Variants in ZSWIM5 observed in about 807,000 individuals in gnomAD.
The protein encoded by ZSWIM5 is zinc finger SWIM domain-containing protein 5.
A neutral mutation model predicts 119.6 loss-of-function variants in ZSWIM5; 55 were observed. That is an observed-to-expected ratio of 0.46 (90% CI 0.37 to 0.58). The LOEUF is 0.58. ZSWIM5 is among the 20% of genes least tolerant of loss of function. The pLI, the probability that ZSWIM5 is intolerant of heterozygous loss-of-function variation, is 0.00. For synonymous variants in ZSWIM5, 537 were observed against 606.9 expected (o/e 0.88, Z 1.69); for missense variants, 1,193 against 1,512.8 (o/e 0.79, Z 3.51).
At position 45,058,661 on chromosome 1, in the gene ZSWIM5, C is replaced by T; in HGVS notation, c.1200G>A (p.Arg400=). The change falls in exon 4 of 14, where the codon AGG becomes AGA. Residue 400 remains arginine (R), a synonymous_variant. Transcript: ENST00000359600. ...TGTCTGTCATGTTTGTTCCTTGCTG[C>T]CTCCAGAGTGTGAGTCGTGGGTCAG... ...FVADPRLTLW[R]QQGTNMTDKC... is the part of the protein sequence containing the mutation. The T allele has an allele frequency of 6.2e-7, 1 of 1,614,242 alleles. No homozygotes were observed. Among genetic ancestry groups the T allele is most frequent in the Non-Finnish European group, 8.5e-7 (1 of 1,180,046 alleles).
At chr1:45,094,286 C>T (rs1241645126) in intron 1 of ZSWIM5, among the ~76,000 whole-genome samples, 1 of 151,842 alleles carries the variant, frequency 6.6e-6, no homozygotes, top group Non-Finnish European at 1.5e-5. Context: ...GATCTCCTGA[C>T]TTCGTGATCC....
At chr1:45,191,275 G>A (rs1387563105) in intron 1 of ZSWIM5, among the ~76,000 whole-genome samples, 1 of 152,118 alleles carries the variant, frequency 6.6e-6, no homozygotes, top group Non-Finnish European at 1.5e-5. Flanking sequence ...TCAGTCATTT[G>A]CAGGCTGCCC....
intron 1 of ZSWIM5, among the ~76,000 whole-genome samples, chr1:45,154,470 C>CA (rs1204953983): frequency 6.6e-6 from 1 of 152,042 alleles, no homozygotes; most frequent in African/African-American, 2.4e-5. Context: ...TTCGACGAAA[C>CA]AAACAAAAAC....
At chr1:45,196,009 A>G (rs1348277412) in intron 1 of ZSWIM5, among the ~76,000 whole-genome samples, 1 of 148,668 alleles carries the variant, frequency 6.7e-6, no homozygotes, top group Admixed American at 6.8e-5. Context: ...CCGGGACTAC[A>G]GGTGAGCACC....
intron 1 of ZSWIM5, among the ~76,000 whole-genome samples, chr1:45,117,435 G>A (rs1041552035): frequency 2.0e-5 from 3 of 152,194 alleles, no homozygotes; most frequent in African/African-American, 7.2e-5. Flanking sequence ...AGAACGTTGG[G>A]AGGCCAAAGT....
At position 45,206,192 on chromosome 1, in the gene ZSWIM5, G is replaced by A. The variant is rs768634679; in HGVS notation, c.159C>T (p.Val53=). The stretch of plus-strand genomic sequence containing the variant: ...GCTGCAGGTGGGGGCGGGCCCCGAG[G>A]ACCAGGCAGCTGCTGCCGACGCCCC... ...GAGGVGSSCL[V]LGARPHLQPD... Residue 53 remains valine, a synonymous_variant, in exon 1 of 14, where the codon GTC becomes GTT. Transcript: ENST00000359600. 10 of 1,602,914 alleles carry A rather than the reference G, an allele frequency of 6.2e-6. No homozygotes were observed. The highest frequency in any genetic ancestry group is 3.4e-5 in the Admixed American group (2 of 58,828).
chr1:45,052,256 C>G (rs1233630489), intron 4 of ZSWIM5, among the ~76,000 whole-genome samples: 1 of 151,988 alleles, frequency 6.6e-6, no homozygotes, highest in East Asian at 1.9e-4. Flanking sequence ...GAACTCCTGA[C>G]CTCAGGTGAT....
rs912426661 is a variant in ZSWIM5, at chr1:45,072,380, C to G, written c.953-12133G>C. ...TCTCCCATTCTGTGGTTTGTCTCTT[C>G]ACTTTGTCAATTATTTCCTTTCTGT... On this transcript the variant is annotated intron_variant, in intron 2 of 13. Coordinates refer to ENST00000359600, the MANE Select transcript of ZSWIM5 (RefSeq NM_020883.2). The surrounding 1 kb of genome is among the most constrained non-coding windows in gnomAD (Gnocchi z 4.1). 6.6e-6 allele frequency among the ~76,000 whole-genome samples: 1 copy of G among 151,950 alleles called. No homozygotes were observed. The highest frequency in any genetic ancestry group is 1.5e-5 in the Non-Finnish European group (1 of 68,034).
At chr1:45,159,626 T>C (rs918803150) in intron 1 of ZSWIM5, among the ~76,000 whole-genome samples, 2 of 152,202 alleles carry the variant, frequency 1.3e-5, no homozygotes, top group African/African-American at 2.4e-5. Context: ...TCTTACTCTG[T>C]TGGCCAGGCT....
rs1402405365 is a variant in ZSWIM5, at chr1:45,016,510, TTCTC to T, written c.*1940_*1943del. On this transcript the variant is annotated 3_prime_UTR_variant, in exon 14 of 14. Transcript: ENST00000359600. ...ACTGTGATACAGAAATGAGAGTGGC[TTCTC>T]TCTTTTTTTTAACCAACCCATTGGG... The T allele has an allele frequency of 6.6e-6, 1 of 151,860 alleles. No individual in the cohort carries two copies. Among genetic ancestry groups the T allele is most frequent in the Non-Finnish European group, 1.5e-5 (1 of 67,806 alleles). 9.4% of individuals were successfully genotyped at this position (151,860 alleles called of 1,614,324 possible). A position where few individuals can be genotyped will look rare whatever the true frequency, so the allele number is the denominator to read the frequency against.
At chr1:45,143,171 C>CAAAAAAAA (rs60638239) in intron 1 of ZSWIM5, among the ~76,000 whole-genome samples, 1 of 60,592 alleles carries the variant, frequency 1.7e-5, no homozygotes, top group Non-Finnish European at 3.2e-5. Flanking sequence ...GACTCTGTCT[C>CAAAAAAAA]AAAAAAAAAA....
intron 1 of ZSWIM5, among the ~76,000 whole-genome samples, chr1:45,137,000 G>A (rs1645694187): frequency 6.6e-6 from 1 of 152,068 alleles, no homozygotes. Context: ...TAAATGTTGG[G>A]CTCACCTCTC....
At chr1:45,096,535 A>AAC (rs370564289) in intron 1 of ZSWIM5, among the ~76,000 whole-genome samples, 9,626 of 139,996 alleles carry the variant, frequency 0.069, 358 homozygotes, top group Non-Finnish European at 0.092. Context: ...TGGCCCTATC[A>AAC]ACACACACAC....
chr1:45,127,964 C>T (rs1330056680), intron 1 of ZSWIM5, among the ~76,000 whole-genome samples: 1 of 152,020 alleles, frequency 6.6e-6, no homozygotes, highest in Non-Finnish European at 1.5e-5. Flanking sequence ...CTATAAAATA[C>T]TACTGGTGAA....
At chr1:45,096,538 ACACACACACACACACG>A (rs1218792651) in intron 1 of ZSWIM5, among the ~76,000 whole-genome samples, 4 of 140,206 alleles carry the variant, frequency 2.9e-5, no homozygotes, top group African/African-American at 5.9e-5. Flanking sequence ...CCCTATCAAC[ACACACACACACACACG>A]CACACACACA....
chr1:45,061,648 G>A (rs936562769), intron 2 of ZSWIM5, among the ~76,000 whole-genome samples: 1 of 151,650 alleles, frequency 6.6e-6, no homozygotes, highest in Non-Finnish European at 1.5e-5. Context: ...TGGGATTACA[G>A]GTGTGAGCCA....
chr1:45,191,251 C>T (rs1646091489), intron 1 of ZSWIM5, among the ~76,000 whole-genome samples: 1 of 152,234 alleles, frequency 6.6e-6, no homozygotes, highest in Non-Finnish European at 1.5e-5. Context: ...TGGAGCTTTA[C>T]GCTCCTACCT....
intron 2 of ZSWIM5, among the ~76,000 whole-genome samples, chr1:45,068,064 G>T (rs1054252285): frequency 6.8e-6 from 1 of 147,000 alleles, no homozygotes; most frequent in Non-Finnish European, 1.5e-5. Flanking sequence ...TCCTGAGGGG[G>T]TTATTAAGTC....
At chr1:45,101,047 A>C (rs346728) in intron 1 of ZSWIM5, among the ~76,000 whole-genome samples, 56 of 152,320 alleles carry the variant, frequency 3.7e-4, no homozygotes, top group African/African-American at 1.3e-3. Context: ...GACAAATGGG[A>C]TCTAATTAAA....
Sources: allele counts gnomAD v4.1 joint callset (sites outside exome capture counted in the v4.1 genomes callset), GRCh38; gene constraint gnomAD v4.1.1; non-coding constraint Gnocchi (gnomAD v3.1); transcripts MANE v1.5; gene names NCBI Gene and HGNC (gene_info 2026-07-23, HGNC 2026-07-21).